Variants in NBEAL1 observed in about 807,000 individuals in gnomAD.
NBEAL1 encodes the protein neurobeachin-like protein 1.
In NBEAL1, 273 loss-of-function variants were observed where a neutral mutation model predicts 351.3. That is an observed-to-expected ratio of 0.78 (90% CI 0.70 to 0.86). The LOEUF (loss-of-function observed/expected upper bound fraction) is 0.86. NBEAL1 is among the 40% of genes least tolerant of loss of function. NBEAL1 has a pLI of 0.00. For synonymous variants in NBEAL1, 1,050 were observed against 1,086.4 expected (o/e 0.97, Z 0.66); for missense variants, 2,961 against 3,201.3 (o/e 0.92, Z 1.81).
rs1347188539 is a variant in NBEAL1, at chr2:203,201,668, T to C, written c.7364T>C (p.Met2455Thr). ...TACTGGGATAATAGCATTCAAGTGA[T>C]GTCACTTACAAAAGGCAAAATTATC... ...AGYWDNSIQV[M>T]SLTKGKIISH... Residue 2455 changes from methionine to threonine, a missense_variant, in exon 50 of 56, where the codon ATG becomes ACG. By Grantham distance (81) the Met-to-Thr change is moderately conservative. Transcript: ENST00000683969. 1.2e-6 allele frequency: 2 copies of C among 1,609,906 alleles called. No homozygotes were observed. The highest frequency in any genetic ancestry group is 1.7e-6 in the Non-Finnish European group (2 of 1,177,636).
At chr2:203,086,956 C>T (rs994325093) in intron 10 of NBEAL1, among the ~76,000 whole-genome samples, 2 of 152,202 alleles carry the variant, frequency 1.3e-5, no homozygotes, top group African/African-American at 2.4e-5. Flanking sequence ...CTGCTTATGT[C>T]ACCAAAGTGG....
intron 18 of NBEAL1, among the ~76,000 whole-genome samples, chr2:203,117,255 G>T (rs2062720867): frequency 6.6e-6 from 1 of 152,134 alleles, no homozygotes; most frequent in African/African-American, 2.4e-5. Context: ...ACGAGGTTAG[G>T]AGATCGAGAC....
intron 12 of NBEAL1, among the ~76,000 whole-genome samples, chr2:203,103,044 A>G (rs530163183): frequency 6.6e-6 from 1 of 151,994 alleles, no homozygotes; most frequent in Admixed American, 6.6e-5. Flanking sequence ...GGGAGGTTGT[A>G]TGTTTCTAGG....
intron 6 of NBEAL1, among the ~76,000 whole-genome samples, chr2:203,063,389 G>C (rs2061530468): frequency 6.9e-6 from 1 of 145,122 alleles, no homozygotes; most frequent in South Asian, 2.4e-4. Context: ...GAAGCCTGCA[G>C]TGAGCTATGA....
At chr2:203,052,719 GTTATTTATTTATTTATTTAT>G (rs56277425) in intron 4 of NBEAL1, among the ~76,000 whole-genome samples, 3 of 145,408 alleles carry the variant, frequency 2.1e-5, no homozygotes, top group Non-Finnish European at 4.5e-5. Flanking sequence ...ACCATGCCCA[GTTATTTATTTATTTATTTAT>G]TTATTTATTT....
intron 44 of NBEAL1, among the ~76,000 whole-genome samples, chr2:203,186,736 C>G (rs2064907133): frequency 6.6e-6 from 1 of 152,182 alleles, no homozygotes. Context: ...TAAACAGTTT[C>G]TCTCTTTTAC....
chr2:203,071,627 G>A (rs1202865546), intron 7 of NBEAL1, among the ~76,000 whole-genome samples: 2 of 152,128 alleles, frequency 1.3e-5, no homozygotes, highest in African/African-American at 4.8e-5. Flanking sequence ...AACTCTGTAA[G>A]TCTAAAGTTC....
chr2:203,024,522 A>G (rs986098475), intron 2 of NBEAL1, among the ~76,000 whole-genome samples: 7 of 151,440 alleles, frequency 4.6e-5, no homozygotes, highest in Non-Finnish European at 1.0e-4. Context: ...ACTGCACTCC[A>G]GCCTGGGCAA....
chr2:203,208,008 A>G (rs961662337), intron 51 of NBEAL1, among the ~76,000 whole-genome samples: 1 of 152,220 alleles, frequency 6.6e-6, no homozygotes, highest in African/African-American at 2.4e-5. Context: ...TCAGCCGGAC[A>G]TGGTGGCCAA....
Position 203,038,872 on chromosome 2 carries a change from A to G in NBEAL1, c.52-2893A>G, listed in dbSNP as rs1352914655. Among the ~76,000 whole-genome samples, 3 of 148,050 alleles carry G rather than the reference A, an allele frequency of 2.0e-5. 1 individual carries two copies. The Admixed American group carries it at 2.0e-4, about 10-fold the overall frequency. Reference sequence around the variant, plus strand: ...TTTTTCTATTTTTTGAAGAGATGGGATCTCACTATGTTGCTTAGGCTGGTC... The same window carrying G: ...TTTTTCTATTTTTTGAAGAGATGGGGTCTCACTATGTTGCTTAGGCTGGTC... On this transcript the variant is annotated intron_variant, in intron 2 of 55. Coordinates refer to ENST00000683969, the MANE Select transcript of NBEAL1 (RefSeq NM_001378026.1).
At chr2:203,212,132 C>T (rs2065804871) in intron 54 of NBEAL1, among the ~76,000 whole-genome samples, 1 of 151,844 alleles carries the variant, frequency 6.6e-6, no homozygotes, top group Non-Finnish European at 1.5e-5. Flanking sequence ...AGTGATCCAC[C>T]CACCTCAGCC....
intron 35 of NBEAL1, among the ~76,000 whole-genome samples, chr2:203,157,197 C>T (rs1444029195): frequency 6.6e-6 from 1 of 152,240 alleles, no homozygotes; most frequent in East Asian, 1.9e-4. Context: ...ACATGTATTG[C>T]ATATAATTGC....
chr2:203,075,466 G>C (rs963150828), intron 7 of NBEAL1, among the ~76,000 whole-genome samples: 1 of 152,152 alleles, frequency 6.6e-6, no homozygotes, highest in Admixed American at 6.5e-5. Context: ...TCATCTTCTA[G>C]CTCTGTGTAA....
intron 33 of NBEAL1, 100 bp from the exon 34 acceptor site, chr2:203,148,891 C>A: frequency 9.4e-7 from 1 of 1,058,234 alleles, no homozygotes; most frequent in Admixed American, 3.2e-5. Flanking sequence ...TCTCATAATG[C>A]AAGATTTTAT....
intron 51 of NBEAL1, among the ~76,000 whole-genome samples, chr2:203,207,122 G>T (rs2065612232): frequency 6.7e-6 from 1 of 149,076 alleles, no homozygotes. Flanking sequence ...CGTCTGAGAA[G>T]TGAGGAGACC....
intron 39 of NBEAL1, among the ~76,000 whole-genome samples, chr2:203,170,203 T>C (rs2064276542): frequency 6.6e-6 from 1 of 152,088 alleles, no homozygotes; most frequent in Admixed American, 6.6e-5. Flanking sequence ...AAACCCCATC[T>C]CTACTAAAAA....
At chr2:203,029,386 G>A (rs2060913560) in intron 2 of NBEAL1, among the ~76,000 whole-genome samples, 1 of 152,236 alleles carries the variant, frequency 6.6e-6, no homozygotes, top group Admixed American at 6.5e-5. Context: ...CATTGCAGAT[G>A]TGGGCCAGTT....
rs2065771094 is a variant in NBEAL1 at position 203,210,951 on chromosome 2, T to G, written c.7786-7T>G. 9 of 1,542,352 alleles carry G rather than the reference T, an allele frequency of 5.8e-6. No homozygotes were observed. The highest frequency in any genetic ancestry group is 7.0e-6 in the Non-Finnish European group (8 of 1,141,844). ...GAAATTGTTGAATTTTCCTTAATTC[T>G]TTTCAGGATAAGAATGCATTACATC... is the stretch of plus-strand genomic sequence containing the variant. On this transcript the variant is annotated splice_polypyrimidine_tract_variant and splice_region_variant and intron_variant, in intron 53 of 55. Transcript: ENST00000683969.
At chr2:203,025,685 A>C (rs1291481194) in intron 2 of NBEAL1, among the ~76,000 whole-genome samples, 1 of 152,164 alleles carries the variant, frequency 6.6e-6, no homozygotes, top group African/African-American at 2.4e-5. Context: ...TGTGGTATAT[A>C]TAGATCCAAT....
Sources: gnomAD v4.1 joint callset for allele counts (sites outside exome capture counted in the v4.1 genomes callset) on GRCh38, gnomAD v4.1.1 for gene constraint, MANE v1.5 for transcripts, NCBI Gene and HGNC (gene_info 2026-07-23, HGNC 2026-07-21) for gene names.